Variants in OSR1 observed in about 807,000 individuals in gnomAD.
The protein encoded by OSR1 is protein odd-skipped-related 1.
OSR1 carries 3 observed loss-of-function variants against 15.7 expected under a neutral mutation model. That is an observed-to-expected ratio of 0.19 (90% confidence interval 0.09 to 0.50). The LOEUF (loss-of-function observed/expected upper bound fraction) is 0.50, where lower values mean the gene tolerates loss of function less well. OSR1 is among the 20% of genes least tolerant of loss of function. The pLI is 0.97. For synonymous variants in OSR1, 166 were observed against 152.7 expected, an observed-to-expected ratio of 1.09 and a Z score of -0.64; for missense variants, 271 against 351.1, an observed-to-expected ratio of 0.77 and a Z score of 1.82.
chr2:19,352,512 G>A, intron 2 of OSR1, 102 bp from the exon 3 acceptor site: 1 of 1,409,722 alleles, frequency 7.1e-7, no homozygotes, highest in East Asian at 2.3e-5. Context: ...GCCCTCAAAG[G>A]AAAAGTGTAT....
At chr2:19,352,716 C>G (rs1034608339) in intron 2 of OSR1, among the ~76,000 whole-genome samples, 1 of 152,180 alleles carries the variant, frequency 6.6e-6, no homozygotes, top group Non-Finnish European at 1.5e-5. Context: ...GAGCTGGGGT[C>G]GGACAATTTG....
downstream of OSR1, among the ~76,000 whole-genome samples, chr2:19,351,103 C>T (rs924933540): frequency 1.3e-5 from 2 of 152,152 alleles, no homozygotes; most frequent in Non-Finnish European, 1.5e-5. Flanking sequence ...AAGACATTCT[C>T]TTCTCTTCTT....
At chr2:19,349,350 A>C (rs1430044586), downstream of OSR1, among the ~76,000 whole-genome samples, 4 of 152,208 alleles carry the variant, frequency 2.6e-5, no homozygotes, top group African/African-American at 9.6e-5. Context: ...AACAAGCTGC[A>C]GGGAGACGTG....
chr2:19,358,255 G>T (rs1233236349), intron 1 of OSR1, 86 bp downstream of exon 1: 5 of 152,536 alleles, frequency 3.3e-5, no homozygotes, highest in African/African-American at 9.6e-5. Flanking sequence ...TGAGAGAGAG[G>T]AGGCACCCGC....
At chr2:19,356,015 C>T (rs1664941715) in intron 1 of OSR1, 1 of 152,474 alleles carries the variant, frequency 6.6e-6, no homozygotes, top group Non-Finnish European at 1.5e-5. Flanking sequence ...CGCTGGAAAT[C>T]AGATCCTTAT....
downstream of OSR1, among the ~76,000 whole-genome samples, chr2:19,349,653 G>A (rs1005189282): frequency 4.6e-5 from 7 of 152,156 alleles, no homozygotes; most frequent in African/African-American, 1.4e-4. Flanking sequence ...CTGAGGCCCC[G>A]GGAACTGCAG....
chr2:19,350,192 A>G (rs577719483), downstream of OSR1, among the ~76,000 whole-genome samples: 183 of 152,238 alleles, frequency 1.2e-3, no homozygotes, highest in African/African-American at 4.2e-3. Context: ...AGATTTTGGG[A>G]CCAAACACAT....
Position 19,353,726 on chromosome 2 carries a change from A to G in OSR1, c.80T>C (p.Val27Ala). Residue 27 changes from valine to alanine, a missense_variant, in exon 2 of 3, where the codon GTG (valine) becomes GCG (alanine). Val to Ala is a moderately conservative substitution (Grantham distance 64). Transcript: ENST00000272223. ...QLTNYSFLQA[V>A]NGLPTVPSDH... The stretch of plus-strand genomic sequence containing the variant: ...CGAAGGCACTGTGGGCAGGCCGTTC[A>G]CTGCCTGAAGGAAGGAGTAGTTGGT... 1 of 1,614,104 alleles carries G rather than the reference A, an allele frequency of 6.2e-7. No individual in the cohort carries two copies. The highest frequency in any genetic ancestry group is 8.5e-7 in the Non-Finnish European group (1 of 1,180,000).
At chr2:19,348,262 C>A (rs1664773172), downstream of OSR1, among the ~76,000 whole-genome samples, 1 of 151,268 alleles carries the variant, frequency 6.6e-6, no homozygotes, top group African/African-American at 2.4e-5. Flanking sequence ...GTCTGCGGAT[C>A]GTGTTAGTGG....
Position 19,351,535 on chromosome 2 carries a change from G to T in OSR1, c.*740C>A, listed in dbSNP as rs1452084914. The T allele has an allele frequency of 6.6e-6, 1 of 152,118 alleles. No homozygotes were observed. Among genetic ancestry groups the T allele is most frequent in the Non-Finnish European group, 1.5e-5 (1 of 67,966 alleles). The allele number at this position is 152,118 out of a possible 1,614,324, so 9.4% of individuals were successfully genotyped here. ...ATAGTTAAAAAAAAAAAAAACTCCA[G>T]TGATAAATGTCCGTTACCGATGGTC... On this transcript the variant is annotated 3_prime_UTR_variant, in exon 3 of 3. Transcript: ENST00000272223.
At chr2:19,348,526 G>A (rs1402809758), downstream of OSR1, 1 of 154,192 alleles carries the variant, frequency 6.5e-6, no homozygotes, top group Admixed American at 6.5e-5. Flanking sequence ...GGACTCTTTT[G>A]AGCCGGCTAT....
Position 19,352,430 on chromosome 2 carries a change from G to A in OSR1, c.666-20C>T. 6.2e-7 allele frequency: 1 copy of A among 1,613,314 alleles called. No homozygotes were observed. The highest frequency in any genetic ancestry group is 1.1e-5 in the South Asian group (1 of 90,992). On this transcript the variant is annotated intron_variant, in intron 2 of 2. Coordinates refer to ENST00000272223, the MANE Select transcript of OSR1 (RefSeq NM_145260.3). ...ATATATCTGAGGGCAGAAACAGAGA[G>A]TTCATCCTTGCAAAATGATGCAATG...
chr2:19,352,004 C>CT lies in OSR1; in HGVS notation c.*270dup, dbSNP rs1328640288. 1.7e-5 allele frequency: 6 copies of CT among 352,698 alleles called. No individual in the cohort carries two copies. Among genetic ancestry groups the CT allele is most frequent in the Non-Finnish European group, 2.5e-5 (5 of 196,500 alleles). The allele number at this position is 352,698 out of a possible 1,614,324, so 21.8% of individuals were successfully genotyped here. A position where few individuals can be genotyped will look rare whatever the true frequency, so the allele number is the denominator to read the frequency against. On this transcript the variant is annotated 3_prime_UTR_variant, in exon 3 of 3. Transcript: ENST00000272223. ...GCTGCGGCTCCGCGGAGCTTTCGTTCTTTTTTTAATGCAGTTTCCCTTCCG... is the reference window on the plus strand; with the variant it reads ...GCTGCGGCTCCGCGGAGCTTTCGTTCTTTTTTTTAATGCAGTTTCCCTTCCG...
At chr2:19,356,015 C>G (rs1664941715) in intron 1 of OSR1, 1 of 152,474 alleles carries the variant, frequency 6.6e-6, no homozygotes, top group Non-Finnish European at 1.5e-5. Flanking sequence ...CGCTGGAAAT[C>G]AGATCCTTAT....
chr2:19,349,545 C>T (rs978944023), downstream of OSR1, among the ~76,000 whole-genome samples: 2 of 152,170 alleles, frequency 1.3e-5, no homozygotes, highest in Non-Finnish European at 2.9e-5. Flanking sequence ...AGTTGCAGAC[C>T]TTGGACTGGG....
chr2:19,353,580 C>G lies in OSR1; in HGVS notation c.226G>C (p.Val76Leu). 1 of 1,614,210 alleles carries G rather than the reference C, an allele frequency of 6.2e-7. No homozygotes were observed. Among genetic ancestry groups the G allele is most frequent in the Non-Finnish European group, 8.5e-7 (1 of 1,180,020 alleles). ...AAGCGCGCATCCACCAAGCTGGACA[C>G]CGTGCCCGGCACTTTGGAGAAAGAA... ...RSSFSKVPGT[V>L]SSLVDARFQL... The change falls in exon 2 of 3, where the codon GTG becomes CTG. Residue 76 changes from valine to leucine, a missense_variant. By Grantham distance (32) the Val-to-Leu change is conservative. Around this residue, in one of 4 missense-constraint regions of OSR1, gnomAD observed 210 missense variants for 218.4 expected, o/e 0.96. Coordinates refer to ENST00000272223, the MANE Select transcript of OSR1 (RefSeq NM_145260.3).
Position 19,353,623 on chromosome 2 carries a change from G to A in OSR1, c.183C>T (p.Ala61=). ...HLHQWTLGYP[A]MHLPRSSFSK... ...AGAAAGAAGAGCGCGGCAAGTGCAT[G>A]GCCGGGTAGCCCAGCGTCCACTGAT... Residue 61 remains alanine (A), a synonymous_variant, in exon 2 of 3, where the codon GCC becomes GCT. Transcript: ENST00000272223. 1 of 1,614,254 alleles carries A rather than the reference G, an allele frequency of 6.2e-7. No homozygotes were observed. The highest frequency in any genetic ancestry group is 8.5e-7 in the Non-Finnish European group (1 of 1,180,050).
At chr2:19,347,915 G>T (rs1365934219), downstream of OSR1, among the ~76,000 whole-genome samples, 9 of 152,224 alleles carry the variant, frequency 5.9e-5, no homozygotes, top group African/African-American at 1.9e-4. Context: ...GGATGCGCCC[G>T]CCGGGCCAGT....
chr2:19,353,074 CG>C (rs1664871486), intron 2 of OSR1, 66 bp downstream of exon 2: 5 of 1,563,746 alleles, frequency 3.2e-6, no homozygotes, highest in Non-Finnish European at 4.3e-6. Flanking sequence ...TCAAGAACCT[CG>C]TTAGGGAGAA....
Sources: allele counts gnomAD v4.1 joint callset (sites outside exome capture counted in the v4.1 genomes callset), GRCh38; gene constraint gnomAD v4.1.1; regional missense constraint gnomAD v4.1.1; transcripts MANE v1.5; gene names NCBI Gene and HGNC (gene_info 2026-07-23, HGNC 2026-07-21).